The following APBB2 variants were observed in gnomAD, a reference collection of about 807,000 sequenced individuals.
APBB2 encodes amyloid beta precursor protein binding family B member 2.
A neutral mutation model predicts 82.5 loss-of-function variants in APBB2; 38 were observed. That is an observed-to-expected ratio of 0.46 (90% CI 0.36 to 0.60). The LOEUF (loss-of-function observed/expected upper bound fraction) is 0.60, where lower values mean the gene tolerates loss of function less well. Ranked by LOEUF, APBB2 falls within the 20% of genes least tolerant of loss-of-function variation. APBB2 has a pLI of 0.00. For missense variants in APBB2, 772 were observed against 972.3 expected, an observed-to-expected ratio of 0.79 and a Z score of 2.74; for synonymous variants, 341 against 368.2, an observed-to-expected ratio of 0.93 and a Z score of 0.85.
At chr4:41,152,454 C>T (rs1275825436) in intron 1 of APBB2, among the ~76,000 whole-genome samples, 1 of 151,980 alleles carries the variant, frequency 6.6e-6, no homozygotes, top group Non-Finnish European at 1.5e-5. Context: ...TCCCGAGTAG[C>T]TGGGACTACA....
chr4:41,108,139 G>C (rs545635134), intron 2 of APBB2, among the ~76,000 whole-genome samples: 2 of 152,180 alleles, frequency 1.3e-5, no homozygotes, highest in Non-Finnish European at 2.9e-5. Context: ...TGCGTGTAAA[G>C]AGACACAGAC....
At chr4:40,930,338 G>A (rs187402265) in intron 10 of APBB2, among the ~76,000 whole-genome samples, 251 of 152,086 alleles carry the variant, frequency 1.7e-3, no homozygotes, top group African/African-American at 5.9e-3. Flanking sequence ...TGGCTATCAA[G>A]TACAAAGACT....
intron 3 of APBB2, among the ~76,000 whole-genome samples, chr4:41,080,206 A>G (rs557396709): frequency 6.0e-4 from 91 of 152,326 alleles, no homozygotes; most frequent in Middle Eastern, 6.8e-3. Flanking sequence ...AGCTACACCC[A>G]TCAATTCAGC....
chr4:41,073,539 T>A (rs940573740), intron 3 of APBB2, among the ~76,000 whole-genome samples: 1 of 152,162 alleles, frequency 6.6e-6, no homozygotes, highest in African/African-American at 2.4e-5. Context: ...AAAGAAGCAA[T>A]TTTTCACCTT....
chr4:40,887,141 G>T (rs1026145981), intron 12 of APBB2, among the ~76,000 whole-genome samples: 11 of 152,112 alleles, frequency 7.2e-5, no homozygotes, highest in Admixed American at 5.9e-4. Context: ...CTCAACCCTG[G>T]GGGGCTCAGT....
chr4:40,907,371 ATATATATAT>A (rs1777199066), intron 10 of APBB2, among the ~76,000 whole-genome samples: 30 of 43,102 alleles, frequency 7.0e-4, no homozygotes, highest in African/African-American at 3.9e-3. Flanking sequence ...ATATATATAT[ATATATATAT>A]TTTTTTTTTT....
At chr4:41,161,170 C>CAAAAAAAAAAAA (rs33917178) in intron 1 of APBB2, among the ~76,000 whole-genome samples, 1 of 86,278 alleles carries the variant, frequency 1.2e-5, no homozygotes, top group Non-Finnish European at 2.3e-5. Context: ...TCTTCCCTGG[C>CAAAAAAAAAAAA]AAAAAAAAAA....
At chr4:40,912,276 G>A (rs1391596947) in intron 10 of APBB2, among the ~76,000 whole-genome samples, 5 of 152,162 alleles carry the variant, frequency 3.3e-5, no homozygotes, top group African/African-American at 1.2e-4. Context: ...CGCAGCCTAA[G>A]GCCTACAAAG....
chr4:40,865,691 A>G (rs1019149372), intron 12 of APBB2, among the ~76,000 whole-genome samples: 2 of 152,184 alleles, frequency 1.3e-5, no homozygotes, highest in African/African-American at 4.8e-5. Context: ...GTTGATAGGT[A>G]TTTTACTCTT....
At chr4:41,173,180 T>C (rs1768803015) in intron 1 of APBB2, among the ~76,000 whole-genome samples, 1 of 152,204 alleles carries the variant, frequency 6.6e-6, no homozygotes, top group African/African-American at 2.4e-5. Flanking sequence ...CGCTTTTATC[T>C]CAGGTATGAA....
At chr4:41,052,147 C>G (rs1726187466) in intron 4 of APBB2, among the ~76,000 whole-genome samples, 2 of 152,110 alleles carry the variant, frequency 1.3e-5, no homozygotes. Flanking sequence ...GAAGGAGGAT[C>G]ACTGGAGGAC....
Position 41,159,949 on chromosome 4 carries a change from GAGA to G in APBB2, c.-416-16810_-416-16808del, listed in dbSNP as rs1302292464. Among the ~76,000 whole-genome samples, 245 of 58,998 alleles carry G rather than the reference GAGA, an allele frequency of 4.2e-3. 8 individuals carry two copies. The highest frequency in any genetic ancestry group is 0.017 in the African/African-American group (213 of 12,316). The allele number at this position is 58,998 out of a possible 152,430, so 38.7% of individuals were successfully genotyped here. A position where few individuals can be genotyped will look rare whatever the true frequency, so the allele number is the denominator to read the frequency against. On this transcript the variant is annotated intron_variant, in intron 1 of 17. Transcript: ENST00000508593. ...GGAGGAGGAGGAGGAGGAGGAGAAG[GAGA>G]AGGAGAAGGAGAAGAAGAAGAAGAA... is the stretch of plus-strand genomic sequence containing the variant.
chr4:40,942,397 CAGAGTCCTCGGGCTCT>C (rs1347380040), intron 7 of APBB2, among the ~76,000 whole-genome samples: 3 of 152,278 alleles, frequency 2.0e-5, no homozygotes, highest in Non-Finnish European at 2.9e-5. Flanking sequence ...TGGAGATTCT[CAGAGTCCTCGGGCTCT>C]AGAGTCCTGG....
chr4:40,824,591 G>A (rs1308337687), intron 15 of APBB2, among the ~76,000 whole-genome samples: 1 of 152,074 alleles, frequency 6.6e-6, no homozygotes, highest in Non-Finnish European at 1.5e-5. Flanking sequence ...AGGCTCAGAT[G>A]ATCCTCCCAC....
intron 10 of APBB2, among the ~76,000 whole-genome samples, chr4:40,911,280 A>G (rs1317595057): frequency 6.6e-6 from 1 of 152,106 alleles, no homozygotes; most frequent in East Asian, 1.9e-4. Flanking sequence ...GATCTGGTAT[A>G]CTCGGGGGTC....
intron 12 of APBB2, among the ~76,000 whole-genome samples, chr4:40,876,707 TA>T (rs1298054358): frequency 6.6e-6 from 1 of 152,242 alleles, no homozygotes; most frequent in Admixed American, 6.5e-5. Flanking sequence ...ATTGTTATAT[TA>T]TTTTTAAAAA....
intron 12 of APBB2, among the ~76,000 whole-genome samples, chr4:40,851,733 TATA>T (rs1376444806): frequency 1.7e-4 from 5 of 30,006 alleles, no homozygotes; most frequent in East Asian, 8.1e-4. Flanking sequence ...TATATATATA[TATA>T]TATTTTTTTT....
At chr4:41,087,596 T>G (rs1740219998) in intron 3 of APBB2, among the ~76,000 whole-genome samples, 1 of 142,918 alleles carries the variant, frequency 7.0e-6, no homozygotes, top group Non-Finnish European at 1.5e-5. Flanking sequence ...GACTGGCTAA[T>G]TTTTTTTTTT....
chr4:40,825,776 C>G, intron 15 of APBB2, 111 bp downstream of exon 15: 2 of 799,812 alleles, frequency 2.5e-6, no homozygotes, highest in Non-Finnish European at 4.4e-6. Flanking sequence ...CAGTTTGATT[C>G]AAGACAAGGC....
Sources: gnomAD v4.1 joint callset for allele counts (sites outside exome capture counted in the v4.1 genomes callset) on GRCh38, gnomAD v4.1.1 for gene constraint, MANE v1.5 for transcripts, NCBI Gene and HGNC (gene_info 2026-07-23, HGNC 2026-07-21) for gene names.